PARVB: variants seen among roughly 807,000 people sequenced by gnomAD.
The protein encoded by PARVB is beta-parvin.
A neutral mutation model predicts 47.0 loss-of-function variants in PARVB; 46 were observed. That is an observed-to-expected ratio of 0.98 (90% CI 0.77 to 1.25). PARVB has a LOEUF of 1.25. Among genes scored for constraint, PARVB ranks in the 50% most tolerant of loss-of-function variants. The pLI is 0.00. For synonymous variants in PARVB, 196 were observed against 196.3 expected, an observed-to-expected ratio of 1.00 and a Z score of 0.01; for missense variants, 473 against 471.6, an observed-to-expected ratio of 1.00 and a Z score of -0.03.
intron 1 of PARVB, among the ~76,000 whole-genome samples, chr22:44,054,484 C>T (rs1326003254): frequency 1.3e-5 from 2 of 151,822 alleles, no homozygotes; most frequent in Non-Finnish European, 2.9e-5. Flanking sequence ...CCAAAGTGCT[C>T]AGATTACAGC....
chr22:44,055,261 C>A (rs1428510000), intron 1 of PARVB, among the ~76,000 whole-genome samples: 1 of 152,106 alleles, frequency 6.6e-6, no homozygotes, highest in Non-Finnish European at 1.5e-5. Context: ...ACCAGTGCCG[C>A]CTTGAACGTT....
chr22:44,087,846 G>GTTTTTTTTT (rs57893038), intron 1 of PARVB, among the ~76,000 whole-genome samples: 1,228 of 120,476 alleles, frequency 0.01, 1 homozygote, highest in Non-Finnish European at 0.013. Context: ...GAACGATGGT[G>GTTTTTTTTT]TTTTTTTTTT....
chr22:44,034,332 ATG>A (rs773401987), intron 1 of PARVB, among the ~76,000 whole-genome samples: 112 of 92,948 alleles, frequency 1.2e-3, no homozygotes, highest in African/African-American at 1.5e-3. Context: ...ATACATATAT[ATG>A]TTTGAGATGG....
intron 2 of PARVB, among the ~76,000 whole-genome samples, chr22:44,095,392 T>C (rs184710637): frequency 2.6e-5 from 4 of 151,976 alleles, no homozygotes; most frequent in Admixed American, 2.0e-4. Flanking sequence ...TAATTCCAGC[T>C]ACTCTGGAGG....
chr22:44,159,085 G>A (rs976308177), intron 11 of PARVB, among the ~76,000 whole-genome samples: 4 of 152,142 alleles, frequency 2.6e-5, no homozygotes, highest in Non-Finnish European at 4.4e-5. Flanking sequence ...GCGAGCGAGC[G>A]AGCAAGAGGG....
chr22:44,124,264 A>G (rs960334335), intron 4 of PARVB, among the ~76,000 whole-genome samples: 1 of 152,162 alleles, frequency 6.6e-6, no homozygotes, highest in Non-Finnish European at 1.5e-5. Flanking sequence ...GAGCCCTGAT[A>G]TGTTTTCAGG....
intron 2 of PARVB, among the ~76,000 whole-genome samples, chr22:44,017,009 G>C (rs574093218): frequency 9.8e-4 from 149 of 152,202 alleles, no homozygotes; most frequent in Non-Finnish European, 1.8e-3. Flanking sequence ...CCGAGTAGCT[G>C]GGATTACAGG....
intron 1 of PARVB, among the ~76,000 whole-genome samples, chr22:44,092,248 C>T (rs2052186334): frequency 6.6e-6 from 1 of 152,120 alleles, no homozygotes; most frequent in Non-Finnish European, 1.5e-5. Context: ...GTAGCTGGGA[C>T]TACAGGCGCA....
At chr22:44,115,853 A>G (rs1167463759) in intron 3 of PARVB, 2 of 148,608 alleles carry the variant, frequency 1.3e-5, no homozygotes, top group Non-Finnish European at 3.0e-5. Context: ...TACATTGTAC[A>G]TTGTTACTAA....
intron 5 of PARVB, among the ~76,000 whole-genome samples, chr22:44,131,885 GTTTAT>G (rs2053334021): frequency 6.6e-6 from 1 of 152,194 alleles, no homozygotes; most frequent in Non-Finnish European, 1.5e-5. Context: ...GAGAGGCAAT[GTTTAT>G]GGATGGGTGG....
In PARVB at chr22:44,093,893, T is replaced by C. The variant is rs374767535; in HGVS notation, c.113-35T>C. On this transcript the variant is annotated intron_variant, in intron 1 of 12. Coordinates refer to ENST00000338758, the MANE Select transcript of PARVB (RefSeq NM_013327.5). ...ATGTGAGGCCACGGCACTCCGTGTA[T>C]ACTAACCTGGTTTTTCTTTCCTTTT... The C allele has an allele frequency of 3.2e-5, 47 of 1,452,580 alleles. No individual in the cohort carries two copies. In the African/African-American group the frequency reaches 5.4e-4, roughly 17 times the overall value. The allele number at this position is 1,452,580 out of a possible 1,614,324, so 90.0% of individuals were successfully genotyped here. A position where few individuals can be genotyped will look rare whatever the true frequency, so the allele number is the denominator to read the frequency against.
intron 6 of PARVB, among the ~76,000 whole-genome samples, chr22:44,135,547 G>A (rs1311050017): frequency 6.6e-6 from 1 of 152,196 alleles, no homozygotes; most frequent in Non-Finnish European, 1.5e-5. Flanking sequence ...GTGAGCCACT[G>A]TGCCCGGCCA....
intron 1 of PARVB, among the ~76,000 whole-genome samples, chr22:44,039,069 C>T (rs538989796): frequency 9.9e-5 from 15 of 152,264 alleles, no homozygotes; most frequent in Admixed American, 2.0e-4. Flanking sequence ...GGGAATGCCC[C>T]GCAGACCCAT....
chr22:44,146,159 ACGTGTACACACGCTCACAC>A (rs2053662661), intron 8 of PARVB: 1 of 143,772 alleles, frequency 7.0e-6, no homozygotes. Context: ...ACGTGCTCAC[ACGTGTACACACGCTCACAC>A]CGCACACACG....
At chr22:44,166,649 T>C (rs1291872440) in intron 12 of PARVB, among the ~76,000 whole-genome samples, 1 of 152,200 alleles carries the variant, frequency 6.6e-6, no homozygotes, top group Admixed American at 6.5e-5. Context: ...CCCTTGGGTG[T>C]CCCAGGGCCT....
intron 10 of PARVB, 105 bp downstream of exon 10, chr22:44,151,656 T>G (rs2053813064): frequency 1.1e-6 from 1 of 877,076 alleles, no homozygotes; most frequent in Non-Finnish European, 1.9e-6. Flanking sequence ...ATTTTGTTCA[T>G]CTCACAAGGA....
At chr22:44,168,323 T>C (rs1037506886) in intron 12 of PARVB, 1 of 405,378 alleles carries the variant, frequency 2.5e-6, no homozygotes. Context: ...CATGTCCTGA[T>C]GCAGATCCAG....
At position 44,089,697 on chromosome 22, in the gene PARVB, G is replaced by A. The variant is rs1376632880; in HGVS notation, c.113-4231G>A. On this transcript the variant is annotated intron_variant, in intron 1 of 12. Transcript: ENST00000338758. This position sits in a 1 kb window ranked among gnomAD's most constrained non-coding sequence, Gnocchi z 4.0. Reference sequence around the variant, plus strand: ...ATCACACCGATCCTCTGAAGGTGACGATCAGATCCAGGCTGCAAGTTCTTC... The same window carrying A: ...ATCACACCGATCCTCTGAAGGTGACAATCAGATCCAGGCTGCAAGTTCTTC... Among the ~76,000 whole-genome samples the A allele has an allele frequency of 6.6e-6, 1 of 152,162 alleles. No homozygotes were observed. The highest frequency in any genetic ancestry group is 2.4e-5 in the African/African-American group (1 of 41,430).
intron 1 of PARVB, among the ~76,000 whole-genome samples, chr22:44,093,231 T>C (rs1159489792): frequency 6.6e-6 from 1 of 152,226 alleles, no homozygotes; most frequent in East Asian, 1.9e-4. Flanking sequence ...CTGCAGGGTC[T>C]CACTGGTGCA....
Sources: gnomAD v4.1 joint callset for allele counts (sites outside exome capture counted in the v4.1 genomes callset) on GRCh38, gnomAD v4.1.1 for gene constraint, Gnocchi (gnomAD v3.1) non-coding constraint, MANE v1.5 for transcripts, NCBI Gene and HGNC (gene_info 2026-07-23, HGNC 2026-07-21) for gene names.